The following APBB2 variants were observed in gnomAD, a reference collection of about 807,000 sequenced individuals.
APBB2 encodes amyloid beta precursor protein binding family B member 2.
In APBB2, 38 loss-of-function variants were observed where a neutral mutation model predicts 82.5. The ratio of observed to expected loss-of-function variants is 0.46; its 90% confidence interval spans 0.36 to 0.60. The LOEUF is 0.60. Among genes scored for constraint, APBB2 ranks in the 20% least tolerant of loss-of-function variants. The pLI, the probability that APBB2 is intolerant of heterozygous loss-of-function variation, is 0.00. For synonymous variants in APBB2, 341 were observed against 368.2 expected, an observed-to-expected ratio of 0.93 and a Z score of 0.85; for missense variants, 772 against 972.3, an observed-to-expected ratio of 0.79 and a Z score of 2.74.
At chr4:41,101,946 G>A (rs557071388) in intron 2 of APBB2, among the ~76,000 whole-genome samples, 9 of 149,258 alleles carry the variant, frequency 6.0e-5, no homozygotes, top group South Asian at 2.1e-4. Context: ...GTGACAGTGC[G>A]AGACTCCATC....
At chr4:40,955,677 C>G (rs1791427250) in intron 6 of APBB2, among the ~76,000 whole-genome samples, 1 of 152,182 alleles carries the variant, frequency 6.6e-6, no homozygotes, top group Non-Finnish European at 1.5e-5. Context: ...ACTTGGGAGG[C>G]TGAAGTGGGA....
At chr4:40,958,242 C>T (rs760394299) in intron 6 of APBB2, among the ~76,000 whole-genome samples, 75 of 152,048 alleles carry the variant, frequency 4.9e-4, no homozygotes, top group Non-Finnish European at 9.0e-4. Flanking sequence ...GAATAAAACA[C>T]GTATTTTCTA....
intron 10 of APBB2, among the ~76,000 whole-genome samples, chr4:40,907,671 CTTTTTTTTTTTTT>C (rs34413606): frequency 4.2e-5 from 4 of 94,866 alleles, no homozygotes; most frequent in Non-Finnish European, 8.1e-5. Context: ...GTGCCTGACC[CTTTTTTTTTTTTT>C]TTTTTTTTGA....
chr4:41,004,278 A>G (rs887832321), intron 6 of APBB2, among the ~76,000 whole-genome samples: 3 of 152,184 alleles, frequency 2.0e-5, no homozygotes, highest in Non-Finnish European at 4.4e-5. Flanking sequence ...CAGCCGTAAG[A>G]AACCAACAAA....
intron 4 of APBB2, among the ~76,000 whole-genome samples, chr4:41,053,610 AT>A (rs139210191): frequency 0.18 from 27,644 of 152,094 alleles, 2,844 homozygotes; most frequent in Non-Finnish European, 0.24. Context: ...AAATCAGACT[AT>A]TTATGCTATT....
intron 2 of APBB2, among the ~76,000 whole-genome samples, chr4:41,141,204 G>A (rs901126735): frequency 3.3e-5 from 5 of 150,894 alleles, no homozygotes; most frequent in Non-Finnish European, 5.9e-5. Flanking sequence ...TGTTTTGGAT[G>A]TAAGAGACAG....
At chr4:40,975,682 C>T (rs769607009) in intron 6 of APBB2, among the ~76,000 whole-genome samples, 5 of 151,360 alleles carry the variant, frequency 3.3e-5, no homozygotes, top group South Asian at 4.2e-4. Flanking sequence ...AGAACCATCA[C>T]GTCATGATGC....
rs780306679 is a variant in APBB2 at position 41,013,616 on chromosome 4, C to G, written c.802G>C (p.Asp268His). 6.2e-7 allele frequency: 1 copy of G among 1,614,198 alleles called. No homozygotes were observed. Among genetic ancestry groups the G allele is most frequent in the Non-Finnish European group, 8.5e-7 (1 of 1,180,040 alleles). ...EESSWTTLSQDSASPSSPDET... is the reference protein window; with the variant it reads ...EESSWTTLSQHSASPSSPDET... Reference sequence around the variant, plus strand: ...TCCGGGGAGCTGGGTGAGGCACTGTCTTGGGACAACGTTGTCCAGCTGGAC... The same window carrying G: ...TCCGGGGAGCTGGGTGAGGCACTGTGTTGGGACAACGTTGTCCAGCTGGAC... The change falls in exon 6 of 18, where the codon GAC (aspartate) becomes CAC (histidine). Residue 268 changes from aspartate (D) to histidine (H), a missense_variant. Transcript: ENST00000508593.
chr4:41,065,311 A>G (rs1731330373), intron 4 of APBB2, among the ~76,000 whole-genome samples: 1 of 152,168 alleles, frequency 6.6e-6, no homozygotes, highest in Admixed American at 6.5e-5. Flanking sequence ...ATTTGGAAAA[A>G]AAGAATGGAT....
intron 6 of APBB2, among the ~76,000 whole-genome samples, chr4:40,983,568 C>T (rs2154405872): frequency 8.1e-6 from 1 of 122,738 alleles, no homozygotes; most frequent in African/African-American, 3.1e-5. Flanking sequence ...ACGAAGAGTC[C>T]TGTTAATTAT....
chr4:41,126,108 A>C (rs1007465301), intron 2 of APBB2, among the ~76,000 whole-genome samples: 4 of 151,944 alleles, frequency 2.6e-5, no homozygotes, highest in African/African-American at 9.7e-5. Flanking sequence ...GGCCAGGCAC[A>C]GTGGTTCACA....
At chr4:40,884,849 A>C (rs960884203) in intron 12 of APBB2, among the ~76,000 whole-genome samples, 10 of 152,208 alleles carry the variant, frequency 6.6e-5, no homozygotes, top group Non-Finnish European at 4.4e-5. Flanking sequence ...AATATGAAAA[A>C]AAATTCGGTA....
intron 2 of APBB2, among the ~76,000 whole-genome samples, chr4:41,130,433 C>T (rs1404752243): frequency 6.6e-6 from 1 of 152,076 alleles, no homozygotes; most frequent in Non-Finnish European, 1.5e-5. Context: ...GACCTCCTTG[C>T]TGCTTGCCCT....
chr4:40,868,971 C>T (rs1764728767), intron 12 of APBB2, among the ~76,000 whole-genome samples: 1 of 152,146 alleles, frequency 6.6e-6, no homozygotes, highest in Non-Finnish European at 1.5e-5. Context: ...ACTAAAAGAT[C>T]AATAATATTT....
intron 6 of APBB2, among the ~76,000 whole-genome samples, chr4:40,979,872 T>C (rs912799438): frequency 6.6e-6 from 1 of 152,232 alleles, no homozygotes; most frequent in Non-Finnish European, 1.5e-5. Context: ...AGCTCATCCA[T>C]ATTCAGAGTT....
chr4:41,077,589 C>G (rs149956207), intron 3 of APBB2, among the ~76,000 whole-genome samples: 114 of 152,238 alleles, frequency 7.5e-4, no homozygotes, highest in African/African-American at 2.6e-3. Context: ...GGAACAAACC[C>G]TCTAAACTCC....
At chr4:40,875,599 A>G (rs1183826650) in intron 12 of APBB2, among the ~76,000 whole-genome samples, 1 of 152,210 alleles carries the variant, frequency 6.6e-6, no homozygotes, top group Non-Finnish European at 1.5e-5. Flanking sequence ...GAATTCTGGC[A>G]TGTATTTTAC....
intron 6 of APBB2, among the ~76,000 whole-genome samples, chr4:40,998,526 T>C (rs938919045): frequency 6.6e-6 from 1 of 152,228 alleles, no homozygotes; most frequent in Non-Finnish European, 1.5e-5. Flanking sequence ...ACTATTAAAA[T>C]AGTCGTCCCT....
rs36224955 is a variant in APBB2, at chr4:41,027,364, C to CATATATATAT, written c.19+5862_19+5871dup. ...TTATATTTTTATAAACATATTGTTACATATATATATATATATATATATATA... is the reference window on the plus strand; with the variant it reads ...TTATATTTTTATAAACATATTGTTACATATATATATATATATATATATATATATATATATA... On this transcript the variant is annotated intron_variant, in intron 5 of 17. Transcript: ENST00000508593. 2.9e-3 allele frequency among the ~76,000 whole-genome samples: 368 copies of CATATATATAT among 127,274 alleles called. 3 individuals are homozygous for CATATATATAT. The highest frequency in any genetic ancestry group is 4.7e-3 in the Middle Eastern group (1 of 212). 83.5% of individuals were successfully genotyped at this position (127,274 alleles called of 152,430 possible). A position where few individuals can be genotyped will look rare whatever the true frequency, so the allele number is the denominator to read the frequency against.
Sources: gnomAD v4.1 joint callset for allele counts (sites outside exome capture counted in the v4.1 genomes callset) on GRCh38, gnomAD v4.1.1 for gene constraint, MANE v1.5 for transcripts, NCBI Gene and HGNC (gene_info 2026-07-23, HGNC 2026-07-21) for gene names.